The following SYNPR variants were observed in gnomAD, a reference collection of about 807,000 sequenced individuals.
SYNPR encodes synaptoporin.
SYNPR carries 23 observed loss-of-function variants against 32.9 expected under a neutral mutation model. The ratio of observed to expected loss-of-function variants is 0.70; its 90% confidence interval spans 0.50 to 0.99. The LOEUF is 0.99. Among genes scored for constraint, SYNPR ranks in the 50% least tolerant of loss-of-function variants. The probability of loss-of-function intolerance (pLI) is 0.00; values close to 1 mark genes in which losing one functional copy is unlikely to be tolerated. For synonymous variants in SYNPR, 146 were observed against 135.9 expected (o/e 1.07, Z -0.52); for missense variants, 318 against 349.3 (o/e 0.91, Z 0.71).
At chr3:63,553,375 A>T (rs772957292) in intron 3 of SYNPR, among the ~76,000 whole-genome samples, 2 of 152,188 alleles carry the variant, frequency 1.3e-5, no homozygotes, top group Non-Finnish European at 2.9e-5. Context: ...TGTCTGTGCT[A>T]TTGTGAGTAG....
chr3:63,303,984 C>T (rs757920096), intron 2 of SYNPR, among the ~76,000 whole-genome samples: 18 of 151,938 alleles, frequency 1.2e-4, no homozygotes, highest in Non-Finnish European at 2.1e-4. Context: ...GGCTGTAGAA[C>T]GGATCTGTTA....
At chr3:63,390,701 T>C (rs1035742831) in intron 2 of SYNPR, among the ~76,000 whole-genome samples, 34 of 152,024 alleles carry the variant, frequency 2.2e-4, no homozygotes, top group African/African-American at 8.2e-4. Context: ...TAACCGATTA[T>C]TTTTTTTAAC....
intron 1 of SYNPR, among the ~76,000 whole-genome samples, chr3:63,241,164 G>A (rs1255127552): frequency 6.6e-6 from 1 of 152,118 alleles, no homozygotes; most frequent in Non-Finnish European, 1.5e-5. Context: ...AGCATTAGCA[G>A]GAGCTTGCGT....
At chr3:63,244,530 A>G (rs973400437) in intron 1 of SYNPR, among the ~76,000 whole-genome samples, 4 of 152,070 alleles carry the variant, frequency 2.6e-5, no homozygotes, top group Admixed American at 2.0e-4. Flanking sequence ...TCCCTGCTCT[A>G]TTCTTTAACT....
At chr3:63,548,322 G>A (rs888688433) in intron 3 of SYNPR, among the ~76,000 whole-genome samples, 6 of 152,040 alleles carry the variant, frequency 3.9e-5, no homozygotes, top group Non-Finnish European at 7.4e-5. Context: ...GTGATCTTTA[G>A]TGATTCTTTT....
intron 3 of SYNPR, among the ~76,000 whole-genome samples, chr3:63,548,183 G>A (rs1338292416): frequency 6.6e-6 from 1 of 152,136 alleles, no homozygotes; most frequent in African/African-American, 2.4e-5. Flanking sequence ...ATGAATGAAT[G>A]ACTTGAGCAT....
At chr3:63,316,368 CT>C (rs921610430) in intron 2 of SYNPR, among the ~76,000 whole-genome samples, 2 of 151,522 alleles carry the variant, frequency 1.3e-5, no homozygotes, top group Non-Finnish European at 2.9e-5. Flanking sequence ...TGGTCCTGGA[CT>C]TTTTTTTGTT....
intron 4 of SYNPR, among the ~76,000 whole-genome samples, chr3:63,560,853 A>G (rs1702676538): frequency 6.6e-6 from 1 of 152,198 alleles, no homozygotes; most frequent in Non-Finnish European, 1.5e-5. Context: ...TCTCTCCCTC[A>G]AGACCTGGGG....
intron 1 of SYNPR, among the ~76,000 whole-genome samples, chr3:63,249,890 C>A (rs1424083651): frequency 2.6e-5 from 4 of 152,048 alleles, no homozygotes; most frequent in South Asian, 4.2e-4. Flanking sequence ...ATGCAAATAA[C>A]ACATAAATAG....
chr3:63,592,713 A>C (rs1250944876), intron 4 of SYNPR, among the ~76,000 whole-genome samples: 2 of 152,124 alleles, frequency 1.3e-5, no homozygotes, highest in Non-Finnish European at 2.9e-5. Flanking sequence ...TAAATAAATA[A>C]ATAAATGAGT....
intron 1 of SYNPR, chr3:63,252,446 T>C (rs765131470): frequency 1.3e-4 from 20 of 152,208 alleles, no homozygotes; most frequent in Non-Finnish European, 1.2e-4. Context: ...TAAATATTTT[T>C]TGGCTGTAGC....
At chr3:63,611,870 A>G (rs754991023) in intron 5 of SYNPR, among the ~76,000 whole-genome samples, 4 of 152,102 alleles carry the variant, frequency 2.6e-5, no homozygotes, top group Non-Finnish European at 5.9e-5. Flanking sequence ...ATCAGTTATG[A>G]ATAGAGGGTT....
rs182753208 is a variant in SYNPR, at chr3:63,384,483, T to C, written c.85-96349T>C. Reference sequence around the variant, plus strand: ...TTGACTACAGTGTGTAATTTTATGTTTCTTTTATCTCAACCGGTCAGTCTC... The same window carrying C: ...TTGACTACAGTGTGTAATTTTATGTCTCTTTTATCTCAACCGGTCAGTCTC... On this transcript the variant is annotated intron_variant, in intron 2 of 5. Transcript: ENST00000478300. Among the ~76,000 whole-genome samples the C allele has an allele frequency of 1.4e-3, 207 of 152,328 alleles. 3 individuals are homozygous for C. The highest frequency in any genetic ancestry group is 0.01 in the Middle Eastern group (3 of 294).
At chr3:63,379,839 C>G (rs1214647738) in intron 2 of SYNPR, among the ~76,000 whole-genome samples, 2 of 151,854 alleles carry the variant, frequency 1.3e-5, no homozygotes. Context: ...CCTCCCTCCT[C>G]CCCCAACCCC....
intron 2 of SYNPR, chr3:63,452,071 AG>A: frequency 1.4e-6 from 1 of 702,264 alleles, no homozygotes; most frequent in Non-Finnish European, 2.6e-6. Flanking sequence ...TCACACTCAA[AG>A]AAAGGGTTTC....
chr3:63,537,791 G>A (rs1422139425), intron 3 of SYNPR, among the ~76,000 whole-genome samples: 1 of 152,072 alleles, frequency 6.6e-6, no homozygotes, highest in African/African-American at 2.4e-5. Context: ...CCTTCTAAAT[G>A]TGAGCTTTTA....
intron 2 of SYNPR, among the ~76,000 whole-genome samples, chr3:63,448,663 T>C (rs1458588416): frequency 2.6e-5 from 4 of 152,156 alleles, no homozygotes; most frequent in African/African-American, 9.6e-5. Context: ...AATGTGGATG[T>C]CACTTTTTTT....
intron 2 of SYNPR, among the ~76,000 whole-genome samples, chr3:63,476,421 G>A (rs950555358): frequency 4.6e-5 from 7 of 152,020 alleles, no homozygotes; most frequent in Admixed American, 3.9e-4. Flanking sequence ...AGAGAAGAAG[G>A]AAGGAAAGAA....
chr3:63,424,157 A>C (rs1440104083), intron 2 of SYNPR, among the ~76,000 whole-genome samples: 5 of 152,196 alleles, frequency 3.3e-5, no homozygotes, highest in Admixed American at 3.3e-4. Flanking sequence ...TAATTGTGTC[A>C]AATGTACCCT....
Sources: gnomAD v4.1 joint callset for allele counts (sites outside exome capture counted in the v4.1 genomes callset) on GRCh38, gnomAD v4.1.1 for gene constraint, MANE v1.5 for transcripts, NCBI Gene and HGNC (gene_info 2026-07-23, HGNC 2026-07-21) for gene names.